AIG1: variants seen among roughly 807,000 people sequenced by gnomAD.
AIG1 encodes androgen-induced gene 1 protein.
Under a neutral mutation model 31.4 loss-of-function variants are expected in AIG1, and 23 were observed. That is an observed-to-expected ratio of 0.73 (90% CI 0.53 to 1.04). AIG1 has a LOEUF of 1.04. AIG1 is among the 50% of genes least tolerant of loss of function. AIG1 has a pLI of 0.00. For synonymous variants in AIG1, 100 were observed against 110.5 expected, an observed-to-expected ratio of 0.90 and a Z score of 0.60; for missense variants, 274 against 295.0, an observed-to-expected ratio of 0.93 and a Z score of 0.52.
chr6:143,213,868 TA>T (rs957879681), intron 3 of AIG1, among the ~76,000 whole-genome samples: 3 of 152,052 alleles, frequency 2.0e-5, no homozygotes, highest in African/African-American at 7.2e-5. Context: ...GTTAAAAAAT[TA>T]AAATTTATTA....
chr6:143,255,805 T>G (rs1023466417), intron 3 of AIG1, among the ~76,000 whole-genome samples: 1 of 152,208 alleles, frequency 6.6e-6, no homozygotes, highest in Non-Finnish European at 1.5e-5. Context: ...AACTTAATTA[T>G]TTTTCTAGGT....
intron 1 of AIG1, among the ~76,000 whole-genome samples, chr6:143,129,222 C>T (rs1429712732): frequency 4.6e-5 from 7 of 151,876 alleles, no homozygotes; most frequent in East Asian, 3.9e-4. Context: ...ACCTGGGAGG[C>T]GGAGCTTGCA....
At chr6:143,254,292 G>A (rs1341440814) in intron 3 of AIG1, among the ~76,000 whole-genome samples, 2 of 152,180 alleles carry the variant, frequency 1.3e-5, no homozygotes, top group Non-Finnish European at 2.9e-5. Context: ...TCTGTAACCT[G>A]CAAGAAGCAG....
intron 1 of AIG1, among the ~76,000 whole-genome samples, chr6:143,069,205 C>T (rs746649648): frequency 1.3e-5 from 2 of 151,980 alleles, no homozygotes; most frequent in African/African-American, 2.4e-5. Context: ...TTAGTAGAGA[C>T]GGGGTTTCGC....
intron 2 of AIG1, among the ~76,000 whole-genome samples, chr6:143,143,466 A>T (rs1354277018): frequency 8.0e-6 from 1 of 124,794 alleles, no homozygotes; most frequent in African/African-American, 3.0e-5. Context: ...ATGCCACCAC[A>T]CTCCAGCCTG....
chr6:143,233,524 G>C (rs1337626619), intron 3 of AIG1, among the ~76,000 whole-genome samples: 1 of 148,116 alleles, frequency 6.8e-6, no homozygotes, highest in Non-Finnish European at 1.5e-5. Flanking sequence ...CCCCAAACCA[G>C]AGTAGGTTCA....
At chr6:143,212,347 A>G (rs1489362089) in intron 3 of AIG1, among the ~76,000 whole-genome samples, 1 of 152,148 alleles carries the variant, frequency 6.6e-6, no homozygotes, top group Non-Finnish European at 1.5e-5. Flanking sequence ...AGCAGATAGC[A>G]TTTTCTGAAA....
intron 2 of AIG1, among the ~76,000 whole-genome samples, chr6:143,160,261 C>G (rs1786218024): frequency 6.6e-6 from 1 of 152,220 alleles, no homozygotes; most frequent in South Asian, 2.1e-4. Context: ...ATTGGTCTTA[C>G]TCAATTCCAA....
chr6:143,170,831 A>G (rs981626917), intron 3 of AIG1, among the ~76,000 whole-genome samples: 5 of 151,800 alleles, frequency 3.3e-5, no homozygotes, highest in Admixed American at 3.3e-4. Flanking sequence ...TAAAGAATTT[A>G]TTCATGTAAC....
intron 5 of AIG1, chr6:143,339,295 G>A (rs12527382): frequency 0.077 from 13,137 of 171,258 alleles, 520 homozygotes; most frequent in South Asian, 0.11. Context: ...CCAGAAGCTG[G>A]TTTAAAAAGC....
At chr6:143,168,678 A>G (rs1274169707) in intron 3 of AIG1, among the ~76,000 whole-genome samples, 1 of 151,912 alleles carries the variant, frequency 6.6e-6, no homozygotes, top group African/African-American at 2.4e-5. Flanking sequence ...TGGTATGAAC[A>G]TGTAGTCCTA....
chr6:143,102,814 C>T (rs762742319), intron 1 of AIG1, among the ~76,000 whole-genome samples: 4 of 151,942 alleles, frequency 2.6e-5, no homozygotes, highest in African/African-American at 4.8e-5. Flanking sequence ...CATGCATTTC[C>T]ATGTCAAGCC....
At chr6:143,248,580 T>C (rs1259765198) in intron 3 of AIG1, among the ~76,000 whole-genome samples, 1 of 152,176 alleles carries the variant, frequency 6.6e-6, no homozygotes, top group Non-Finnish European at 1.5e-5. Context: ...GGATCACTGA[T>C]GAAACCCAAA....
At chr6:143,188,692 A>C (rs1346500268) in intron 3 of AIG1, 1 of 984,570 alleles carries the variant, frequency 1.0e-6, no homozygotes. Context: ...CAACCCCTCT[A>C]GAGCTCTCTA....
rs1392957983 is a variant in AIG1, at chr6:143,292,335, C to T, written c.515+8110C>T. On this transcript the variant is annotated intron_variant, in intron 4 of 5. Coordinates refer to ENST00000357847, the MANE Select transcript of AIG1 (RefSeq NM_016108.4). The surrounding 1 kb of genome is among the most constrained non-coding windows in gnomAD (Gnocchi z 4.9). ...TTTTGCAGGTGGACCCAGTCTAATC[C>T]CATGAATCCTTAAGAGTGGAGAGCC... is the stretch of plus-strand genomic sequence containing the variant. 6.6e-6 allele frequency among the ~76,000 whole-genome samples: 1 copy of T among 152,124 alleles called. No homozygotes were observed. The highest frequency in any genetic ancestry group is 6.5e-5 in the Admixed American group (1 of 15,280).
At chr6:143,230,130 A>T (rs1052037779) in intron 3 of AIG1, among the ~76,000 whole-genome samples, 19 of 152,154 alleles carry the variant, frequency 1.2e-4, no homozygotes, top group African/African-American at 4.6e-4. Context: ...CTAACCTGTG[A>T]AAGTTTAAGA....
intron 2 of AIG1, among the ~76,000 whole-genome samples, chr6:143,145,025 T>C (rs1045979267): frequency 6.6e-6 from 1 of 152,140 alleles, no homozygotes; most frequent in African/African-American, 2.4e-5. Context: ...AGTATTTTCA[T>C]ATTTTGTAGT....
chr6:143,160,380 G>T lies in AIG1; in HGVS notation c.298-4702G>T, dbSNP rs75463726. Among the ~76,000 whole-genome samples, 1,483 of 152,336 alleles carry T rather than the reference G, an allele frequency of 9.7e-3. 20 individuals carry two copies. The highest frequency in any genetic ancestry group is 0.034 in the African/African-American group (1,418 of 41,574). On this transcript the variant is annotated intron_variant, in intron 2 of 5. Coordinates refer to ENST00000357847, the MANE Select transcript of AIG1 (RefSeq NM_016108.4). ...GACTCCTTTCAAAAAGAGGCAAACT[G>T]TAAATCCAGTTTTCTTTTGGCATTA...
At chr6:143,248,438 G>A (rs1794767593) in intron 3 of AIG1, among the ~76,000 whole-genome samples, 1 of 152,176 alleles carries the variant, frequency 6.6e-6, no homozygotes, top group Non-Finnish European at 1.5e-5. Context: ...GCTATAGCTT[G>A]TTGCTTTAAA....
Sources: allele counts gnomAD v4.1 joint callset (sites outside exome capture counted in the v4.1 genomes callset), GRCh38; gene constraint gnomAD v4.1.1; non-coding constraint Gnocchi (gnomAD v3.1); transcripts MANE v1.5; gene names NCBI Gene and HGNC (gene_info 2026-07-23, HGNC 2026-07-21).